AFAP1L1: variants seen among roughly 807,000 people sequenced by gnomAD.
AFAP1L1 encodes actin filament-associated protein 1-like 1.
Under a neutral mutation model 99.8 loss-of-function variants are expected in AFAP1L1, and 77 were observed. The ratio of observed to expected loss-of-function variants is 0.77; its 90% CI spans 0.64 to 0.93. The LOEUF (loss-of-function observed/expected upper bound fraction) is 0.93, where lower values mean the gene tolerates loss of function less well. Ranked by LOEUF, AFAP1L1 falls within the 40% of genes least tolerant of loss-of-function variation. AFAP1L1 has a pLI of 0.00. For missense variants in AFAP1L1, 893 were observed against 996.8 expected (o/e 0.90, Z 1.40); for synonymous variants, 373 against 395.3 (o/e 0.94, Z 0.67).
rs750257541 is a variant in AFAP1L1 at position 149,309,959 on chromosome 5, T to TA, written c.752dup (p.Tyr251Ter). The change falls in exon 8 of 19, where the codon TAC becomes TAAC. Residue 251 changes from tyrosine (Y) to a stop codon, truncating the protein, a stop_gained and frameshift_variant. Transcript: ENST00000296721. LOFTEE classifies it high-confidence loss of function. ...ATGTGTTTCTCTCCCTGTCCAGTGT[T>TA]ACAAAAGCTCCAAGGATCGGCAGCC... is the stretch of plus-strand genomic sequence containing the variant. ...TVIREDQLLC[Y>*]KSSKDRQPHL... The TA allele has an allele frequency of 3.1e-6, 5 of 1,614,162 alleles. No individual in the cohort carries two copies. The highest frequency in any genetic ancestry group is 4.2e-6 in the Non-Finnish European group (5 of 1,180,030).
intron 5 of AFAP1L1, among the ~76,000 whole-genome samples, chr5:149,303,863 G>T (rs1231343409): frequency 1.3e-5 from 2 of 152,066 alleles, no homozygotes; most frequent in Admixed American, 1.3e-4. Context: ...TTTTTACTGT[G>T]GTAAAATACA....
chr5:149,331,298 T>C (rs537412241), intron 16 of AFAP1L1, among the ~76,000 whole-genome samples: 1 of 152,068 alleles, frequency 6.6e-6, no homozygotes, highest in Non-Finnish European at 1.5e-5. Context: ...GAAAATTTTT[T>C]AAAAATTTTT....
At chr5:149,278,268 C>G (rs1004165663) in intron 1 of AFAP1L1, among the ~76,000 whole-genome samples, 1 of 152,182 alleles carries the variant, frequency 6.6e-6, no homozygotes, top group African/African-American at 2.4e-5. Context: ...CTCAAATGGT[C>G]AGCAACTCCT....
intron 1 of AFAP1L1, among the ~76,000 whole-genome samples, chr5:149,274,896 A>G (rs2127586793): frequency 6.6e-6 from 1 of 151,830 alleles, no homozygotes; most frequent in Middle Eastern, 3.4e-3. Flanking sequence ...AAAAAAAAAA[A>G]AAAAAAGTAT....
At chr5:149,331,665 A>T (rs1757262852) in intron 16 of AFAP1L1, among the ~76,000 whole-genome samples, 1 of 152,064 alleles carries the variant, frequency 6.6e-6, no homozygotes, top group Non-Finnish European at 1.5e-5. Flanking sequence ...CCTACTGAAA[A>T]CTCTGGTGTC....
chr5:149,331,841 C>G (rs80126929), intron 16 of AFAP1L1, among the ~76,000 whole-genome samples: 7,597 of 152,140 alleles, frequency 0.05, 213 homozygotes, highest in East Asian at 0.088. Context: ...CATGCTTCTA[C>G]CCTTCTCTCC....
At chr5:149,277,809 G>A (rs1166521010) in intron 1 of AFAP1L1, among the ~76,000 whole-genome samples, 1 of 152,130 alleles carries the variant, frequency 6.6e-6, no homozygotes, top group Non-Finnish European at 1.5e-5. Context: ...AATACATGTA[G>A]TCTAGCACTC....
At chr5:149,275,088 AATC>A (rs1933820336) in intron 1 of AFAP1L1, among the ~76,000 whole-genome samples, 1 of 152,046 alleles carries the variant, frequency 6.6e-6, no homozygotes, top group Non-Finnish European at 1.5e-5. Flanking sequence ...TAATAACTGA[AATC>A]ATCAAACTGT....
intron 17 of AFAP1L1, among the ~76,000 whole-genome samples, chr5:149,333,731 C>T (rs1466290233): frequency 6.6e-6 from 1 of 152,220 alleles, no homozygotes; most frequent in Non-Finnish European, 1.5e-5. Flanking sequence ...TGTTAAGCAG[C>T]ATCTCTAGCT....
At chr5:149,286,370 C>T (rs931305053) in intron 1 of AFAP1L1, among the ~76,000 whole-genome samples, 2 of 152,012 alleles carry the variant, frequency 1.3e-5, no homozygotes, top group African/African-American at 2.4e-5. Flanking sequence ...GAGGAAATGC[C>T]GCAAACAAAC....
rs1487276149 is a variant in AFAP1L1 at position 149,315,898 on chromosome 5, G to A, written c.1098G>A (p.Arg366=). ...ACAACTGTTCTACCCTTGGCCGCCG[G>A]GAGACCTGTGATCACGGTAGGAGCC... ...VGDNCSTLGR[R]ETCDHGKGKK... Residue 366 remains arginine, a synonymous_variant, in exon 10 of 19, where the codon CGG becomes CGA. Coordinates refer to ENST00000296721, the MANE Select transcript of AFAP1L1 (RefSeq NM_152406.4). 2 of 1,614,164 alleles carry A rather than the reference G, an allele frequency of 1.2e-6. No homozygotes were observed. Among genetic ancestry groups the A allele is most frequent in the Admixed American group, 1.7e-5 (1 of 60,032 alleles).
rs141100355 is a variant in AFAP1L1, at chr5:149,275,467, CTCT to C, written c.16+3497_16+3499del. The stretch of plus-strand genomic sequence containing the variant: ...TTTCTTCTTCTTCTTCTTCCTCTTC[CTCT>C]TCTTCTTCTTCTTTCTTCCTTCTTT... On this transcript the variant is annotated intron_variant, in intron 1 of 18. Coordinates refer to ENST00000296721, the MANE Select transcript of AFAP1L1 (RefSeq NM_152406.4). Among the ~76,000 whole-genome samples the C allele has an allele frequency of 3.7e-3, 535 of 143,478 alleles. 5 individuals carry two copies. The highest frequency in any genetic ancestry group is 0.012 in the African/African-American group (488 of 40,488). The allele number at this position is 143,478 out of a possible 152,430, so 94.1% of individuals were successfully genotyped here.
At chr5:149,275,631 G>A (rs944913770) in intron 1 of AFAP1L1, among the ~76,000 whole-genome samples, 8 of 151,686 alleles carry the variant, frequency 5.3e-5, no homozygotes, top group Non-Finnish European at 7.4e-5. Flanking sequence ...TCAGCCTCCC[G>A]AGTAGCTGGG....
intron 15 of AFAP1L1, 124 bp downstream of exon 15, chr5:149,322,841 T>C (rs531576524): frequency 2.8e-6 from 2 of 724,104 alleles, no homozygotes; most frequent in South Asian, 1.9e-5. Flanking sequence ...TGCAAGAAAA[T>C]ACTCTACCGT....
At chr5:149,287,268 T>C (rs1318592002) in intron 1 of AFAP1L1, among the ~76,000 whole-genome samples, 2 of 152,076 alleles carry the variant, frequency 1.3e-5, no homozygotes, top group Non-Finnish European at 2.9e-5. Flanking sequence ...AAAATAATAT[T>C]TTCAGGAGTA....
rs1418193716 is a variant in AFAP1L1 at position 149,340,911 on chromosome 5, C to T, written c.*881C>T. On this transcript the variant is annotated 3_prime_UTR_variant, in exon 19 of 19. Coordinates refer to ENST00000296721, the MANE Select transcript of AFAP1L1 (RefSeq NM_152406.4). ...ATTCTAATGAAGTCCTCATCTTGCA[C>T]TCAGAGGCCCACTAGTTTGCCCTTC... The T allele has an allele frequency of 6.6e-6, 1 of 152,208 alleles. No homozygotes were observed. Among genetic ancestry groups the T allele is most frequent in the Non-Finnish European group, 1.5e-5 (1 of 68,040 alleles). The allele number at this position is 152,208 out of a possible 1,614,324, so 9.4% of individuals were successfully genotyped here. A position where few individuals can be genotyped will look rare whatever the true frequency, so the allele number is the denominator to read the frequency against.
Position 149,340,879 on chromosome 5 carries a change from T to C in AFAP1L1, c.*849T>C, listed in dbSNP as rs1162515224. On this transcript the variant is annotated 3_prime_UTR_variant, in exon 19 of 19. Transcript: ENST00000296721. ...TGGGTTAGAAATCCAGGAGGCAATA[T>C]GTCTTTATTCTAATGAAGTCCTCAT... The C allele has an allele frequency of 1.3e-5, 2 of 152,224 alleles. No individual in the cohort carries two copies. Among genetic ancestry groups the C allele is most frequent in the African/African-American group, 2.4e-5 (1 of 41,454 alleles). 9.4% of individuals were successfully genotyped at this position (152,224 alleles called of 1,614,324 possible). A position where few individuals can be genotyped will look rare whatever the true frequency, so the allele number is the denominator to read the frequency against.
chr5:149,296,455 C>T (rs1332585834), intron 1 of AFAP1L1, among the ~76,000 whole-genome samples: 1 of 152,208 alleles, frequency 6.6e-6, no homozygotes, highest in Non-Finnish European at 1.5e-5. Context: ...AGAGAGGTAT[C>T]ATGTGCTTTT....
Position 149,286,346 on chromosome 5 carries a change from G to C in AFAP1L1, c.17-13163G>C, listed in dbSNP as rs79707978. Among the ~76,000 whole-genome samples the C allele has an allele frequency of 6.3e-3, 963 of 152,282 alleles. 8 individuals are homozygous for C. Among genetic ancestry groups the C allele is most frequent in the Non-Finnish European group, 8.4e-3 (569 of 68,026 alleles). On this transcript the variant is annotated intron_variant, in intron 1 of 18. Coordinates refer to ENST00000296721, the MANE Select transcript of AFAP1L1 (RefSeq NM_152406.4). The stretch of plus-strand genomic sequence containing the variant: ...CAGCTACCAGGAGGTAGCAGTTGGA[G>C]AACAGATTATGCAGAGGAAATGCCG...
Sources: allele counts gnomAD v4.1 joint callset (sites outside exome capture counted in the v4.1 genomes callset), GRCh38; gene constraint gnomAD v4.1.1; transcripts MANE v1.5; gene names NCBI Gene and HGNC (gene_info 2026-07-23, HGNC 2026-07-21).